SAMD8: variants seen among roughly 807,000 people sequenced by gnomAD.
SAMD8 encodes sphingomyelin synthase-related protein 1.
SAMD8 carries 20 observed loss-of-function variants against 42.0 expected under a neutral mutation model. The ratio of observed to expected loss-of-function variants is 0.48; its 90% CI spans 0.34 to 0.69. The LOEUF is 0.69. Ranked by LOEUF, SAMD8 falls within the 30% of genes least tolerant of loss-of-function variation. The pLI is 0.01. For missense variants in SAMD8, 328 were observed against 511.6 expected (o/e 0.64, Z 3.46); for synonymous variants, 162 against 173.0 (o/e 0.94, Z 0.50).
intron 2 of SAMD8, among the ~76,000 whole-genome samples, chr10:75,152,853 G>A (rs1840323541): frequency 1.3e-5 from 2 of 152,290 alleles, no homozygotes; most frequent in Admixed American, 1.3e-4. Flanking sequence ...GCAGCACAGC[G>A]AGACCCTGCC....
chr10:75,130,071 T>C (rs1232476932), intron 1 of SAMD8, among the ~76,000 whole-genome samples: 1 of 152,176 alleles, frequency 6.6e-6, no homozygotes, highest in East Asian at 1.9e-4. Context: ...TGTATTGTAC[T>C]TATTTAGGAA....
chr10:75,130,051 T>A (rs1213881565), intron 1 of SAMD8, among the ~76,000 whole-genome samples: 1 of 152,086 alleles, frequency 6.6e-6, no homozygotes, highest in Non-Finnish European at 1.5e-5. Flanking sequence ...TTTTCTTAGG[T>A]GTGGTAATGT....
chr10:75,138,964 T>C (rs529860872), intron 1 of SAMD8, among the ~76,000 whole-genome samples: 61 of 96,472 alleles, frequency 6.3e-4, no homozygotes, highest in Non-Finnish European at 8.9e-4. Context: ...TTTTCTTTTT[T>C]TTTTTTTTTT....
chr10:75,174,516 C>T (rs1228372403), intron 4 of SAMD8, among the ~76,000 whole-genome samples: 5 of 149,294 alleles, frequency 3.3e-5, no homozygotes, highest in Non-Finnish European at 3.0e-5. Flanking sequence ...CTCACCACAA[C>T]CTACCCCTCC....
At chr10:75,120,273 T>C (rs1277779388) in intron 1 of SAMD8, among the ~76,000 whole-genome samples, 1 of 151,850 alleles carries the variant, frequency 6.6e-6, no homozygotes, top group Non-Finnish European at 1.5e-5. Flanking sequence ...TTTATTTTAT[T>C]TTATTTATTT....
rs1034732239 is a variant in SAMD8, at chr10:75,111,770, C to T, written c.-16+48C>T. The T allele has an allele frequency of 8.4e-5, 104 of 1,232,614 alleles. No homozygotes were observed. In the African/African-American group the frequency reaches 1.6e-3, roughly 18 times the overall value. The allele number at this position is 1,232,614 out of a possible 1,614,324, so 76.4% of individuals were successfully genotyped here. A position where few individuals can be genotyped will look rare whatever the true frequency, so the allele number is the denominator to read the frequency against. ...GAGAGGGGAGCTTGGGGGGCGCCTG[C>T]TGCCAAGGGTGAGTGGGGAGTCTGG... On this transcript the variant is annotated intron_variant, in intron 1 of 5. Coordinates refer to ENST00000542569, the MANE Select transcript of SAMD8 (RefSeq NM_001174156.2).
chr10:75,161,704 GA>G (rs527849830), intron 2 of SAMD8, among the ~76,000 whole-genome samples: 194 of 147,062 alleles, frequency 1.3e-3, no homozygotes, highest in East Asian at 7.5e-3. Flanking sequence ...GCTTTTGGGG[GA>G]AAAAAAAAAA....
chr10:75,134,944 C>G (rs984443087), intron 1 of SAMD8, among the ~76,000 whole-genome samples: 3 of 151,986 alleles, frequency 2.0e-5, no homozygotes, highest in Admixed American at 6.6e-5. Context: ...GCCTGTAGTC[C>G]CCGCTACTCA....
At chr10:75,171,968 G>A (rs1200519427) in intron 4 of SAMD8, among the ~76,000 whole-genome samples, 4 of 151,604 alleles carry the variant, frequency 2.6e-5, no homozygotes, top group African/African-American at 9.7e-5. Context: ...AGAGGCTGCA[G>A]TGAGCTGAGA....
Position 75,150,692 on chromosome 10 carries a change from C to G in SAMD8, c.164C>G (p.Pro55Arg), listed in dbSNP as rs1295442905. 2 of 1,614,044 alleles carry G rather than the reference C, an allele frequency of 1.2e-6. No individual in the cohort carries two copies. The highest frequency in any genetic ancestry group is 1.7e-6 in the Non-Finnish European group (2 of 1,180,038). ...TTGACTGAATATGATCTCCGGTCTC[C>G]TCCTCTGGAAATCAAAGTCTTAGGG... ...LTLTEYDLRS[P>R]PLEIKVLGDI... Residue 55 changes from proline (P) to arginine (R), a missense_variant, in exon 2 of 6, where the codon CCT becomes CGT. Physicochemically the swap from Pro to Arg is moderately radical, Grantham distance 103. Coordinates refer to ENST00000542569, the MANE Select transcript of SAMD8 (RefSeq NM_001174156.2).
At chr10:75,168,323 G>A (rs1010541009) in intron 3 of SAMD8, 3 of 505,610 alleles carry the variant, frequency 5.9e-6, no homozygotes, top group African/African-American at 2.1e-5. Context: ...GATCCACATA[G>A]TATATAAATA....
chr10:75,146,575 C>T (rs768987578), intron 1 of SAMD8, among the ~76,000 whole-genome samples: 6 of 152,030 alleles, frequency 3.9e-5, no homozygotes, highest in African/African-American at 7.2e-5. Context: ...CGTGAGCCAC[C>T]GCACCTGGCT....
chr10:75,105,604 G>T, intron 1 of SAMD8: 1 of 1,457,724 alleles, frequency 6.9e-7, no homozygotes, highest in Non-Finnish European at 9.4e-7. Context: ...TGCAGCCTAG[G>T]CCCTCACCTG....
Position 75,178,777 on chromosome 10 carries a change from C to G in SAMD8, c.*2085C>G, listed in dbSNP as rs1466763257. 1 of 152,444 alleles carries G rather than the reference C, an allele frequency of 6.6e-6. No homozygotes were observed. Among genetic ancestry groups the G allele is most frequent in the African/African-American group, 2.4e-5 (1 of 41,454 alleles). The allele number at this position is 152,444 out of a possible 1,614,324, so 9.4% of individuals were successfully genotyped here. A position where few individuals can be genotyped will look rare whatever the true frequency, so the allele number is the denominator to read the frequency against. ...GGTGCAATGGCTCACGCCTGTAATC[C>G]CAGCACTTTGGGAGGCCAAGGCAGG... is the stretch of plus-strand genomic sequence containing the variant. On this transcript the variant is annotated 3_prime_UTR_variant, in exon 6 of 6. Coordinates refer to ENST00000542569, the MANE Select transcript of SAMD8 (RefSeq NM_001174156.2).
upstream of SAMD8, chr10:75,108,131 G>A (rs1848629070): frequency 1.2e-6 from 2 of 1,613,676 alleles, no homozygotes; most frequent in East Asian, 2.2e-5. Flanking sequence ...CGCCCTGACA[G>A]TAGAGGCCCT....
chr10:75,131,626 TAAAG>T (rs1387438958), intron 1 of SAMD8, among the ~76,000 whole-genome samples: 4 of 152,134 alleles, frequency 2.6e-5, no homozygotes, highest in Admixed American at 1.3e-4. Flanking sequence ...TTCTGATAAT[TAAAG>T]AAATAAGTGA....
chr10:75,109,138 G>A (rs201316792), upstream of SAMD8: 175 of 1,599,250 alleles, frequency 1.1e-4, no homozygotes, highest in Non-Finnish European at 1.4e-4. Flanking sequence ...CCCCAGCTCT[G>A]GGAGAGAGGT....
chr10:75,130,276 C>T (rs1001186671), intron 1 of SAMD8, among the ~76,000 whole-genome samples: 2 of 151,882 alleles, frequency 1.3e-5, no homozygotes, highest in African/African-American at 4.8e-5. Context: ...CCGAGGCAGG[C>T]AGATCACCTG....
chr10:75,172,549 G>T (rs761096228), intron 4 of SAMD8, among the ~76,000 whole-genome samples: 1 of 151,268 alleles, frequency 6.6e-6, no homozygotes, highest in East Asian at 1.9e-4. Flanking sequence ...CCCGGCTAGC[G>T]TGCGGTGGTG....
Sources: gnomAD v4.1 joint callset for allele counts (sites outside exome capture counted in the v4.1 genomes callset) on GRCh38, gnomAD v4.1.1 for gene constraint, MANE v1.5 for transcripts, NCBI Gene and HGNC (gene_info 2026-07-23, HGNC 2026-07-21) for gene names.